Variants in TRPC3 observed in about 807,000 individuals in gnomAD.
TRPC3 encodes the protein transient receptor potential cation channel subfamily C member 3, also known as short transient receptor potential channel 3.
A neutral mutation model predicts 90.9 loss-of-function variants in TRPC3; 54 were observed. That is an observed-to-expected ratio of 0.59 (90% CI 0.48 to 0.75). The LOEUF (loss-of-function observed/expected upper bound fraction) is 0.75, where lower values mean the gene tolerates loss of function less well. Among genes scored for constraint, TRPC3 ranks in the 30% least tolerant of loss-of-function variants. The pLI, the probability that TRPC3 is intolerant of heterozygous loss-of-function variation, is 0.00. For synonymous variants in TRPC3, 424 were observed against 450.9 expected, an observed-to-expected ratio of 0.94 and a Z score of 0.75; for missense variants, 918 against 1,194.5, an observed-to-expected ratio of 0.77 and a Z score of 3.41.
intron 6 of TRPC3, among the ~76,000 whole-genome samples, chr4:121,908,181 G>A (rs762649950): frequency 1.3e-5 from 2 of 152,098 alleles, no homozygotes; most frequent in Non-Finnish European, 2.9e-5. Flanking sequence ...CCCTTTCAAG[G>A]TCACTTATTA....
At chr4:121,901,151 A>G (rs561371557) in intron 9 of TRPC3, among the ~76,000 whole-genome samples, 125 of 152,374 alleles carry the variant, frequency 8.2e-4, no homozygotes, top group African/African-American at 2.9e-3. Context: ...TGTTCTGTGA[A>G]GTGCAAGAGT....
chr4:121,908,514 G>A (rs1728966547), intron 6 of TRPC3, among the ~76,000 whole-genome samples: 1 of 152,008 alleles, frequency 6.6e-6, no homozygotes. Flanking sequence ...CAGAAAATGT[G>A]GTACATATAC....
At chr4:121,929,403 CA>C (rs1729820786) in intron 2 of TRPC3, among the ~76,000 whole-genome samples, 1 of 152,084 alleles carries the variant, frequency 6.6e-6, no homozygotes, top group East Asian at 1.9e-4. Flanking sequence ...TTTATTTTTA[CA>C]AAAAAGGTGC....
rs991634468 is a variant in TRPC3, at chr4:121,951,089, G to A, written c.215+377C>T. Among the ~76,000 whole-genome samples, 4 of 152,174 alleles carry A rather than the reference G, an allele frequency of 2.6e-5. No individual in the cohort carries two copies. The highest frequency in any genetic ancestry group is 5.9e-5 in the Non-Finnish European group (4 of 68,032). Reference sequence around the variant, plus strand: ...CCCTGGGTAAGCTCGGGACCCCGGGGTCCGTCTTCCAAGGGGTGCCCAGCC... The same window carrying A: ...CCCTGGGTAAGCTCGGGACCCCGGGATCCGTCTTCCAAGGGGTGCCCAGCC... On this transcript the variant is annotated intron_variant, in intron 1 of 11. Coordinates refer to ENST00000379645, the MANE Select transcript of TRPC3 (RefSeq NM_001130698.2). This position sits in a 1 kb window ranked among gnomAD's most constrained non-coding sequence, Gnocchi z 4.4.
At chr4:121,885,914 T>G (rs1315525826) in intron 10 of TRPC3, among the ~76,000 whole-genome samples, 2 of 152,178 alleles carry the variant, frequency 1.3e-5, no homozygotes, top group Non-Finnish European at 2.9e-5. Flanking sequence ...AGTCACTCTT[T>G]AAGGAAGACA....
chr4:121,914,865 A>G lies in TRPC3; in HGVS notation c.1256T>C (p.Ile419Thr), dbSNP rs748593492. 4 of 1,613,998 alleles carry G rather than the reference A, an allele frequency of 2.5e-6. No individual in the cohort carries two copies. Among genetic ancestry groups the G allele is most frequent in the Non-Finnish European group, 3.4e-6 (4 of 1,179,898 alleles). ...ENLSGLREQT[I>T]AIKCLVVLVV... ...CAGCACAACGAGACACTTGATAGCT[A>G]TGGTCTGCTCCCTTAGGCCTGAGAG... The change falls in exon 4 of 12, where the codon ATA becomes ACA. Residue 419 changes from isoleucine to threonine, a missense_variant. Around this residue, in one of 4 missense-constraint regions of TRPC3, gnomAD observed 609 missense variants for 725.9 expected, o/e 0.84. Transcript: ENST00000379645.
chr4:121,919,718 G>GT (rs928877619), intron 3 of TRPC3, among the ~76,000 whole-genome samples: 1 of 152,208 alleles, frequency 6.6e-6, no homozygotes, highest in African/African-American at 2.4e-5. Flanking sequence ...ACTGCTGCAT[G>GT]TTTCTTTTTA....
Position 121,951,774 on chromosome 4 carries a change from T to G in TRPC3, c.-94A>C. ...CTTCCCGCGGCGCCCCTTCACCACCTCCCGCGGCTTCCGGGGCCCCGGGCG... is the reference window on the plus strand; with the variant it reads ...CTTCCCGCGGCGCCCCTTCACCACCGCCCGCGGCTTCCGGGGCCCCGGGCG... On this transcript the variant is annotated 5_prime_UTR_variant, in exon 1 of 12. Coordinates refer to ENST00000379645, the MANE Select transcript of TRPC3 (RefSeq NM_001130698.2). This position sits in a 1 kb window ranked among gnomAD's most constrained non-coding sequence, Gnocchi z 4.4. The G allele has an allele frequency of 9.3e-7, 1 of 1,073,298 alleles. No individual in the cohort carries two copies. Among genetic ancestry groups the G allele is most frequent in the Non-Finnish European group, 1.2e-6 (1 of 824,904 alleles). 66.5% of individuals were successfully genotyped at this position (1,073,298 alleles called of 1,614,324 possible). A position where few individuals can be genotyped will look rare whatever the true frequency, so the allele number is the denominator to read the frequency against.
chr4:121,899,627 C>T lies in TRPC3; in HGVS notation c.2532G>A (p.Gln844=). 1.2e-6 allele frequency: 2 copies of T among 1,613,278 alleles called. No individual in the cohort carries two copies. Among genetic ancestry groups the T allele is most frequent in the Non-Finnish European group, 1.7e-6 (2 of 1,179,570 alleles). The part of the protein sequence containing the change: ...ESHSFNSILN[Q]PTRYQQIMKR... ...GAATGCTTACCTGATAACGTGTTGG[C>T]TGATTGAGAATGCTGTTAAAACTGT... Residue 844 remains glutamine (Q), a synonymous_variant, in exon 10 of 12, where the codon CAG becomes CAA. Coordinates refer to ENST00000379645, the MANE Select transcript of TRPC3 (RefSeq NM_001130698.2).
At chr4:121,919,919 G>A (rs1418707479) in intron 3 of TRPC3, among the ~76,000 whole-genome samples, 1 of 152,148 alleles carries the variant, frequency 6.6e-6, no homozygotes, top group Non-Finnish European at 1.5e-5. Context: ...CGGTGAAGTA[G>A]GTAGAACTTT....
intron 6 of TRPC3, among the ~76,000 whole-genome samples, chr4:121,908,643 A>G (rs911720989): frequency 1.4e-4 from 22 of 152,248 alleles, no homozygotes; most frequent in African/African-American, 5.3e-4. Flanking sequence ...AACCAAATAC[A>G]GCAGGTTTTC....
At chr4:121,898,110 T>G (rs1728581525) in intron 10 of TRPC3, among the ~76,000 whole-genome samples, 1 of 152,088 alleles carries the variant, frequency 6.6e-6, no homozygotes, top group African/African-American at 2.4e-5. Flanking sequence ...CTAAAAAAAG[T>G]TGATCTCACA....
intron 7 of TRPC3, among the ~76,000 whole-genome samples, chr4:121,905,194 T>C (rs116051243): frequency 9.9e-5 from 15 of 152,216 alleles, no homozygotes; most frequent in African/African-American, 2.2e-4. Flanking sequence ...CAAATACTTA[T>C]ATTCTTTTTT....
chr4:121,893,329 A>C (rs1267840720), intron 10 of TRPC3, among the ~76,000 whole-genome samples: 1 of 152,184 alleles, frequency 6.6e-6, no homozygotes, highest in Non-Finnish European at 1.5e-5. Context: ...TGAATAGATC[A>C]GTGGAACAGA....
At chr4:121,924,055 T>G (rs949809069) in intron 3 of TRPC3, among the ~76,000 whole-genome samples, 1 of 151,454 alleles carries the variant, frequency 6.6e-6, no homozygotes, top group East Asian at 1.9e-4. Context: ...TTTTCTGCAA[T>G]AATCAGAGTA....
At chr4:121,926,351 T>A (rs1250928828) in intron 2 of TRPC3, among the ~76,000 whole-genome samples, 37 of 152,184 alleles carry the variant, frequency 2.4e-4, no homozygotes, top group Non-Finnish European at 5.9e-5. Context: ...ACCATGTCAC[T>A]TGTATTTCCA....
intron 10 of TRPC3, among the ~76,000 whole-genome samples, chr4:121,886,319 T>A (rs1728115050): frequency 6.6e-6 from 1 of 152,162 alleles, no homozygotes; most frequent in Admixed American, 6.5e-5. Context: ...GTACTATGAA[T>A]TTTAACAATC....
chr4:121,919,561 C>T (rs1729430927), intron 3 of TRPC3, among the ~76,000 whole-genome samples: 1 of 152,160 alleles, frequency 6.6e-6, no homozygotes, highest in Admixed American at 6.5e-5. Context: ...CAGTGCAGGA[C>T]ACAGGACTGT....
rs1163091270 is a variant in TRPC3, at chr4:121,878,149, T to C, written c.*1587A>G. Among the ~76,000 whole-genome samples the C allele has an allele frequency of 1.3e-5, 2 of 152,296 alleles. No individual in the cohort carries two copies. Among genetic ancestry groups the C allele is most frequent in the African/African-American group, 4.8e-5 (2 of 41,576 alleles). ...CATAAAGTACATAAAGTTTGAAAAATGTTTAAGACGAATACTCTTAGCATG... is the reference window on the plus strand; with the variant it reads ...CATAAAGTACATAAAGTTTGAAAAACGTTTAAGACGAATACTCTTAGCATG... On this transcript the variant is annotated 3_prime_UTR_variant, in exon 12 of 12. Coordinates refer to ENST00000379645, the MANE Select transcript of TRPC3 (RefSeq NM_001130698.2).
Sources: gnomAD v4.1 joint callset for allele counts (sites outside exome capture counted in the v4.1 genomes callset) on GRCh38, gnomAD v4.1.1 for gene constraint, gnomAD v4.1.1 regional missense constraint, Gnocchi (gnomAD v3.1) non-coding constraint, MANE v1.5 for transcripts, NCBI Gene and HGNC (gene_info 2026-07-23, HGNC 2026-07-21) for gene names.